GOLPH3L: variants seen among roughly 807,000 people sequenced by gnomAD.
The protein encoded by GOLPH3L is golgi phosphoprotein 3 like.
GOLPH3L carries 22 observed loss-of-function variants against 30.3 expected under a neutral mutation model. The ratio of observed to expected loss-of-function variants is 0.73; its 90% CI spans 0.52 to 1.04. The LOEUF is 1.04. Ranked by LOEUF, GOLPH3L falls within the 50% of genes least tolerant of loss-of-function variation. GOLPH3L has a pLI of 0.00. For synonymous variants in GOLPH3L, 120 were observed against 128.2 expected, an observed-to-expected ratio of 0.94 and a Z score of 0.43; for missense variants, 303 against 345.8, an observed-to-expected ratio of 0.88 and a Z score of 0.98.
intron 4 of GOLPH3L, among the ~76,000 whole-genome samples, chr1:150,660,458 G>A (rs1323950032): frequency 6.6e-6 from 1 of 152,120 alleles, no homozygotes; most frequent in Non-Finnish European, 1.5e-5. Context: ...TTAAAAACAG[G>A]AACTTGAACA....
chr1:150,692,336 A>C (rs1238166924), intron 2 of GOLPH3L, among the ~76,000 whole-genome samples: 1 of 152,204 alleles, frequency 6.6e-6, no homozygotes, highest in Non-Finnish European at 1.5e-5. Flanking sequence ...ATATTTGTTA[A>C]CTATCCTCAA....
In GOLPH3L at chr1:150,648,439, T is replaced by C. The variant is rs1234663525; in HGVS notation, c.740A>G (p.Tyr247Cys). ...NVFSSLTDDK[Y>C]DVAMNRAKDL... Reference sequence around the variant, plus strand: ...CTTGGCTCGATTCATTGCCACATCATACTTGTCATCTGTCAGAGAGGAGAA... The same window carrying C: ...CTTGGCTCGATTCATTGCCACATCACACTTGTCATCTGTCAGAGAGGAGAA... Residue 247 changes from tyrosine to cysteine, a missense_variant, in exon 5 of 5, where the codon TAT (tyrosine) becomes TGT (cysteine). Physicochemically the swap from Tyr to Cys is radical, Grantham distance 194. Transcript: ENST00000271732. 6.2e-7 allele frequency: 1 copy of C among 1,613,906 alleles called. No individual in the cohort carries two copies. Among genetic ancestry groups the C allele is most frequent in the Non-Finnish European group, 8.5e-7 (1 of 1,179,766 alleles).
chr1:150,649,882 A>G (rs1650066169), intron 4 of GOLPH3L, among the ~76,000 whole-genome samples: 1 of 152,128 alleles, frequency 6.6e-6, no homozygotes, highest in Admixed American at 6.6e-5. Context: ...CTGTAGTCCC[A>G]GCTACTTGGA....
intron 2 of GOLPH3L, among the ~76,000 whole-genome samples, chr1:150,665,666 A>AT (rs587768002): frequency 1.5e-4 from 22 of 150,748 alleles, no homozygotes; most frequent in Non-Finnish European, 3.1e-4. Context: ...GTTGTCCAGT[A>AT]TTTTTTTTTA....
intron 2 of GOLPH3L, among the ~76,000 whole-genome samples, chr1:150,683,046 G>A (rs587632240): frequency 6.6e-6 from 1 of 152,218 alleles, no homozygotes; most frequent in Non-Finnish European, 1.5e-5. Flanking sequence ...GCTTCTGTAG[G>A]AAGATAAGCG....
At chr1:150,681,377 T>C (rs1650943123) in intron 2 of GOLPH3L, among the ~76,000 whole-genome samples, 1 of 152,124 alleles carries the variant, frequency 6.6e-6, no homozygotes, top group Non-Finnish European at 1.5e-5. Flanking sequence ...CTAAGCACAC[T>C]GAGAGGTATG....
At chr1:150,677,089 G>T (rs984447279) in intron 2 of GOLPH3L, among the ~76,000 whole-genome samples, 4 of 151,048 alleles carry the variant, frequency 2.6e-5, no homozygotes, top group African/African-American at 9.7e-5. Context: ...ATTTATTTTT[G>T]AGATGGAGTC....
chr1:150,653,095 G>A (rs1408107182), intron 4 of GOLPH3L, among the ~76,000 whole-genome samples: 1 of 149,058 alleles, frequency 6.7e-6, no homozygotes, highest in African/African-American at 2.5e-5. Flanking sequence ...GACCAGTCTG[G>A]GTAACATAGT....
chr1:150,685,605 C>T (rs1374819308), intron 2 of GOLPH3L, among the ~76,000 whole-genome samples: 3 of 152,044 alleles, frequency 2.0e-5, no homozygotes, highest in African/African-American at 4.8e-5. Context: ...GTCCCAGCTA[C>T]TCAGGAGGCT....
intron 2 of GOLPH3L, among the ~76,000 whole-genome samples, chr1:150,685,674 C>T (rs587655782): frequency 1.6e-4 from 24 of 151,670 alleles, no homozygotes; most frequent in African/African-American, 5.1e-4. Context: ...GAGATCGCAC[C>T]GCTGCACTCT....
At chr1:150,670,331 C>T (rs1449397721) in intron 2 of GOLPH3L, among the ~76,000 whole-genome samples, 1 of 152,088 alleles carries the variant, frequency 6.6e-6, no homozygotes, top group Non-Finnish European at 1.5e-5. Context: ...GGTGTGGTGG[C>T]TCACGCCTGT....
intron 2 of GOLPH3L, among the ~76,000 whole-genome samples, chr1:150,694,332 C>T (rs1414541472): frequency 6.6e-6 from 1 of 152,088 alleles, no homozygotes; most frequent in Non-Finnish European, 1.5e-5. Context: ...TGTGTGGGCC[C>T]TTGTTCTTAC....
chr1:150,653,465 T>C (rs1650173642), intron 4 of GOLPH3L, among the ~76,000 whole-genome samples: 2 of 147,048 alleles, frequency 1.4e-5, no homozygotes. Context: ...CTTTTTTTTT[T>C]TTTTTTTTTT....
At chr1:150,694,987 G>A in intron 1 of GOLPH3L, 137 bp from the exon 2 acceptor site, 2 of 593,296 alleles carry the variant, frequency 3.4e-6, no homozygotes, top group Non-Finnish European at 2.9e-6. Flanking sequence ...AAGGAGTAAT[G>A]ACCAGAAAAA....
At chr1:150,649,051 C>T (rs1013970394) in intron 4 of GOLPH3L, among the ~76,000 whole-genome samples, 2 of 152,148 alleles carry the variant, frequency 1.3e-5, no homozygotes, top group Non-Finnish European at 2.9e-5. Context: ...TTTAGGACAC[C>T]AGTCTCTCCC....
intron 2 of GOLPH3L, among the ~76,000 whole-genome samples, chr1:150,668,663 G>A (rs1557784139): frequency 6.6e-6 from 1 of 152,158 alleles, no homozygotes; most frequent in Non-Finnish European, 1.5e-5. Context: ...AATTACAGGT[G>A]TGAGCCACTG....
Position 150,648,701 on chromosome 1 carries a change from G to C in GOLPH3L, c.478C>G (p.Arg160Gly), listed in dbSNP as rs770173895. The C allele has an allele frequency of 1.2e-6, 2 of 1,612,072 alleles. No individual in the cohort carries two copies. Among genetic ancestry groups the C allele is most frequent in the Non-Finnish European group, 1.7e-6 (2 of 1,178,360 alleles). ...ACTAGGTTCTTTGCGATGCGCTCTCGTACATTTCTCAGCTGGTACTGTAAT... is the reference window on the plus strand; with the variant it reads ...ACTAGGTTCTTTGCGATGCGCTCTCCTACATTTCTCAGCTGGTACTGTAAT... ...FKLQYQLRNV[R>G]ERIAKNLVEK... Residue 160 changes from arginine to glycine, a missense_variant, in exon 5 of 5, where the codon CGA (arginine) becomes GGA (glycine). Transcript: ENST00000271732.
At chr1:150,690,185 C>T (rs1167801582) in intron 2 of GOLPH3L, among the ~76,000 whole-genome samples, 1 of 151,958 alleles carries the variant, frequency 6.6e-6, no homozygotes, top group African/African-American at 2.4e-5. Flanking sequence ...TGAGGTCTCA[C>T]TATGTTGCCC....
At chr1:150,676,804 T>C (rs1650791049) in intron 2 of GOLPH3L, among the ~76,000 whole-genome samples, 1 of 151,454 alleles carries the variant, frequency 6.6e-6, no homozygotes, top group Non-Finnish European at 1.5e-5. Flanking sequence ...CCACCAAGCC[T>C]GGCTAATTTT....
Sources: gnomAD v4.1 joint callset for allele counts (sites outside exome capture counted in the v4.1 genomes callset) on GRCh38, gnomAD v4.1.1 for gene constraint, MANE v1.5 for transcripts, NCBI Gene and HGNC (gene_info 2026-07-23, HGNC 2026-07-21) for gene names.